ARMH4: variants seen among roughly 807,000 people sequenced by gnomAD.
ARMH4 encodes the protein armadillo like helical domain containing 4, also known as armadillo-like helical domain-containing protein 4.
Under a neutral mutation model 61.9 loss-of-function variants are expected in ARMH4, and 49 were observed. The observed-to-expected ratio is 0.79, with a 90% CI of 0.63 to 1.00. ARMH4 has a LOEUF of 1.00. Among genes scored for constraint, ARMH4 ranks in the 50% least tolerant of loss-of-function variants. The pLI, the probability that ARMH4 is intolerant of heterozygous loss-of-function variation, is 0.00. For missense variants in ARMH4, 934 were observed against 930.0 expected (o/e 1.00, Z -0.06); for synonymous variants, 368 against 341.5 (o/e 1.08, Z -0.85).
rs574255206 is a variant in ARMH4 at position 58,125,624 on chromosome 14, T to C, written c.1831+5888A>G. On this transcript the variant is annotated intron_variant, in intron 4 of 7. Coordinates refer to ENST00000267485, the MANE Select transcript of ARMH4 (RefSeq NM_001001872.4). ...CAAATGGAGCCCCAGATACAGTCCA[T>C]GACTAAAATCTGCCACAGACCCCTG... is the stretch of plus-strand genomic sequence containing the variant. 2.8e-4 allele frequency among the ~76,000 whole-genome samples: 43 copies of C among 152,308 alleles called. No homozygotes were observed. In the Middle Eastern group the frequency reaches 0.01, roughly 36 times the overall value.
intron 5 of ARMH4, among the ~76,000 whole-genome samples, chr14:58,084,543 A>G (rs1885324544): frequency 6.6e-6 from 1 of 152,170 alleles, no homozygotes; most frequent in African/African-American, 2.4e-5. Flanking sequence ...AGTTGCCAAT[A>G]TGACTTCAGG....
In ARMH4 at chr14:58,140,172, G is replaced by A. The variant is rs561404905; in HGVS notation, c.-56-758C>T. On this transcript the variant is annotated intron_variant, in intron 1 of 7. Coordinates refer to ENST00000267485, the MANE Select transcript of ARMH4 (RefSeq NM_001001872.4). ...CACCTGTAATCTCAGCTACTCAGGA[G>A]ACTGAGGCGAGAGAATCGCTTGAAC... is the stretch of plus-strand genomic sequence containing the variant. 5.9e-4 allele frequency among the ~76,000 whole-genome samples: 90 copies of A among 151,468 alleles called. No homozygotes were observed. In the South Asian group the frequency reaches 0.017, roughly 28 times the overall value.
intron 5 of ARMH4, among the ~76,000 whole-genome samples, chr14:58,039,704 C>T (rs1447040582): frequency 6.6e-6 from 1 of 152,170 alleles, no homozygotes; most frequent in Non-Finnish European, 1.5e-5. Flanking sequence ...GAAGGATACA[C>T]AAAGTTAACC....
intron 5 of ARMH4, among the ~76,000 whole-genome samples, chr14:58,055,313 A>G (rs1428865337): frequency 6.6e-6 from 1 of 152,150 alleles, no homozygotes; most frequent in African/African-American, 2.4e-5. Context: ...TATAACCTCT[A>G]CTCACCACGT....
At chr14:58,142,122 C>T (rs1887583520) in intron 1 of ARMH4, among the ~76,000 whole-genome samples, 1 of 152,062 alleles carries the variant, frequency 6.6e-6, no homozygotes, top group Admixed American at 6.6e-5. Context: ...AGAAATTTCT[C>T]AGAGATGCTG....
intron 1 of ARMH4, among the ~76,000 whole-genome samples, chr14:58,147,347 ACT>A (rs1887769565): frequency 7.1e-6 from 1 of 139,882 alleles, no homozygotes; most frequent in South Asian, 2.2e-4. Context: ...AGGAAGTCTC[ACT>A]CTGTCTCCAT....
At chr14:58,100,386 C>G (rs1885924137) in intron 4 of ARMH4, among the ~76,000 whole-genome samples, 1 of 152,086 alleles carries the variant, frequency 6.6e-6, no homozygotes, top group Non-Finnish European at 1.5e-5. Context: ...TTTCTCAAGC[C>G]ACATTCAGCT....
chr14:58,017,724 T>C (rs566030325), intron 5 of ARMH4, among the ~76,000 whole-genome samples: 1 of 152,256 alleles, frequency 6.6e-6, no homozygotes. Flanking sequence ...ACATATTCAA[T>C]GCAATCTCTA....
Position 58,010,258 on chromosome 14 carries a change from A to G in ARMH4, c.2121+1861T>C, listed in dbSNP as rs28593540. On this transcript the variant is annotated intron_variant, in intron 6 of 7. Transcript: ENST00000267485. ...GAGGAAGATATATGTATATATATAT[A>G]TGTGTGTAAGATCTATGTACATGTA... 2.9e-4 allele frequency among the ~76,000 whole-genome samples: 40 copies of G among 139,712 alleles called. No individual in the cohort carries two copies. In the East Asian group the frequency reaches 5.3e-3, roughly 18 times the overall value. 91.7% of individuals were successfully genotyped at this position (139,712 alleles called of 152,430 possible). A position where few individuals can be genotyped will look rare whatever the true frequency, so the allele number is the denominator to read the frequency against.
chr14:58,041,984 C>G (rs1051248290), intron 5 of ARMH4, among the ~76,000 whole-genome samples: 13 of 152,016 alleles, frequency 8.6e-5, no homozygotes, highest in African/African-American at 3.1e-4. Context: ...TAGACTCCCA[C>G]ACAATAATAA....
chr14:58,105,689 GA>G (rs1373693311), intron 4 of ARMH4, among the ~76,000 whole-genome samples: 2,639 of 91,116 alleles, frequency 0.029, 65 homozygotes, highest in African/African-American at 0.086. Flanking sequence ...TCCATCTCAA[GA>G]AAAAAAAAAA....
At chr14:58,103,441 G>C (rs925266357) in intron 4 of ARMH4, among the ~76,000 whole-genome samples, 17 of 151,998 alleles carry the variant, frequency 1.1e-4, no homozygotes, top group Admixed American at 1.0e-3. Context: ...GCCAGATGCT[G>C]GTACCTTGGT....
intron 2 of ARMH4, among the ~76,000 whole-genome samples, chr14:58,134,315 C>G (rs906886819): frequency 3.3e-5 from 5 of 152,152 alleles, no homozygotes; most frequent in Non-Finnish European, 7.3e-5. Flanking sequence ...ATAGAACTGG[C>G]AGGGTATGAC....
rs1451295495 is a variant in ARMH4, at chr14:58,020,637, T to C, written c.2090-8487A>G. Among the ~76,000 whole-genome samples the C allele has an allele frequency of 3.3e-5, 5 of 152,282 alleles. No homozygotes were observed. The East Asian group carries it at 9.7e-4, about 29-fold the overall frequency. On this transcript the variant is annotated intron_variant, in intron 5 of 7. Transcript: ENST00000267485. ...ACTCTCTTTGTATATGTCTTTCTCATTCAGAGAAAATAAACTGGATCTCTT... is the reference window on the plus strand; with the variant it reads ...ACTCTCTTTGTATATGTCTTTCTCACTCAGAGAAAATAAACTGGATCTCTT...
intron 4 of ARMH4, among the ~76,000 whole-genome samples, chr14:58,122,944 C>G (rs918774486): frequency 1.3e-5 from 2 of 152,070 alleles, no homozygotes; most frequent in African/African-American, 2.4e-5. Context: ...TCACAGAGCC[C>G]CAGGTATGCT....
intron 5 of ARMH4, among the ~76,000 whole-genome samples, chr14:58,044,687 A>C (rs534592218): frequency 1.4e-4 from 22 of 152,256 alleles, no homozygotes; most frequent in Non-Finnish European, 2.8e-4. Context: ...CAACCTATAA[A>C]ATGGGAGAAA....
At chr14:58,135,800 C>T (rs1594778273) in intron 2 of ARMH4, among the ~76,000 whole-genome samples, 1 of 152,050 alleles carries the variant, frequency 6.6e-6, no homozygotes, top group Non-Finnish European at 1.5e-5. Flanking sequence ...TAAGTGGTCC[C>T]TGGACTCTAA....
intron 5 of ARMH4, among the ~76,000 whole-genome samples, chr14:58,078,593 T>C (rs1885123570): frequency 6.6e-6 from 1 of 152,232 alleles, no homozygotes; most frequent in South Asian, 2.1e-4. Context: ...CAGATATAGA[T>C]CTTGACTGGC....
At chr14:58,069,007 A>AAG (rs1491405320) in intron 5 of ARMH4, among the ~76,000 whole-genome samples, 1 of 33,530 alleles carries the variant, frequency 3.0e-5, no homozygotes, top group East Asian at 3.3e-4. Flanking sequence ...CTCTGTCTCG[A>AAG]AAAAAAAAAA....
Sources: allele counts gnomAD v4.1 joint callset (sites outside exome capture counted in the v4.1 genomes callset), GRCh38; gene constraint gnomAD v4.1.1; transcripts MANE v1.5; gene names NCBI Gene and HGNC (gene_info 2026-07-23, HGNC 2026-07-21).